Variants in GRIA4 observed in about 807,000 individuals in gnomAD.
GRIA4 encodes the protein glutamate ionotropic receptor AMPA type subunit 4.
Under a neutral mutation model 104.0 loss-of-function variants are expected in GRIA4, and 34 were observed. The ratio of observed to expected loss-of-function variants is 0.33; its 90% CI spans 0.25 to 0.44. The LOEUF is 0.44. GRIA4 is among the 20% of genes least tolerant of loss of function. The probability of loss-of-function intolerance (pLI) is 1.00; values close to 1 mark genes in which losing one functional copy is unlikely to be tolerated. For synonymous variants in GRIA4, 386 were observed against 381.9 expected, an observed-to-expected ratio of 1.01 and a Z score of -0.13; for missense variants, 750 against 1,096.5, an observed-to-expected ratio of 0.68 and a Z score of 4.46.
intron 4 of GRIA4, chr11:105,842,953 GA>G (rs1377178731): frequency 6.6e-6 from 1 of 152,144 alleles, no homozygotes; most frequent in African/African-American, 2.4e-5. Flanking sequence ...TAGAAACTCA[GA>G]AACTTATTTT....
intron 1 of GRIA4, 27 bp from the exon 2 acceptor site, chr11:105,610,881 T>TTTTTTTG: frequency 6.3e-6 from 3 of 475,628 alleles, no homozygotes; most frequent in South Asian, 4.4e-5. Context: ...TTTTTTTTTT[T>TTTTTTTG]TTTTTTTTGG....
At chr11:105,829,880 T>C (rs772849283) in intron 4 of GRIA4, among the ~76,000 whole-genome samples, 1 of 151,696 alleles carries the variant, frequency 6.6e-6, no homozygotes, top group Non-Finnish European at 1.5e-5. Context: ...TGAATGTGAA[T>C]TGGAGAAAGA....
At chr11:105,749,407 C>T (rs143240714) in intron 3 of GRIA4, among the ~76,000 whole-genome samples, 2 of 152,202 alleles carry the variant, frequency 1.3e-5, no homozygotes, top group African/African-American at 4.8e-5. Context: ...TGTTTAAAAG[C>T]AGTTAGAGGA....
chr11:105,641,280 C>T (rs1391369002), intron 3 of GRIA4, among the ~76,000 whole-genome samples: 2 of 151,980 alleles, frequency 1.3e-5, no homozygotes, highest in Non-Finnish European at 1.5e-5. Context: ...AGACATTAGA[C>T]CTAAGGGCAG....
intron 14 of GRIA4, among the ~76,000 whole-genome samples, chr11:105,964,471 G>A (rs1391990755): frequency 6.6e-6 from 1 of 152,152 alleles, no homozygotes; most frequent in East Asian, 1.9e-4. Context: ...GGTAAAATAT[G>A]CAACACTTTT....
rs367726284 is a variant in GRIA4, at chr11:105,910,530, T to A, written c.1254T>A (p.Val418=). The change falls in exon 10 of 17, where the codon GTT becomes GTA. Residue 418 remains valine (V), a synonymous_variant. Transcript: ENST00000282499. The part of the protein sequence containing the change: ...DTAAIENRTV[V]VTTIMESPYV... ...CTGCTATTGAGAACAGAACAGTGGT[T>A]GTAACCACAATTATGGTAAGTGTTG... 6.5e-7 allele frequency: 1 copy of A among 1,537,484 alleles called. No homozygotes were observed.
At chr11:105,765,582 C>T (rs941658378) in intron 4 of GRIA4, among the ~76,000 whole-genome samples, 1 of 152,294 alleles carries the variant, frequency 6.6e-6, no homozygotes, top group South Asian at 2.1e-4. Context: ...TCTAGTTTAT[C>T]AGTAAACTTC....
chr11:105,784,470 G>T (rs1408606233), intron 4 of GRIA4, among the ~76,000 whole-genome samples: 1 of 152,080 alleles, frequency 6.6e-6, no homozygotes, highest in African/African-American at 2.4e-5. Flanking sequence ...TATTATAACT[G>T]CCGTGAGTGC....
intron 4 of GRIA4, among the ~76,000 whole-genome samples, chr11:105,782,986 A>G (rs1941796466): frequency 6.6e-6 from 1 of 152,196 alleles, no homozygotes; most frequent in Admixed American, 6.6e-5. Context: ...ATAAATGTAA[A>G]GTTTTATCAA....
chr11:105,811,905 C>T (rs547509425), intron 4 of GRIA4, among the ~76,000 whole-genome samples: 31 of 152,270 alleles, frequency 2.0e-4, no homozygotes, highest in African/African-American at 7.5e-4. Flanking sequence ...AAGACCAGCA[C>T]CCTTGTGGTA....
intron 3 of GRIA4, among the ~76,000 whole-genome samples, chr11:105,723,024 C>T (rs542099605): frequency 6.6e-6 from 1 of 151,848 alleles, no homozygotes; most frequent in African/African-American, 2.4e-5. Context: ...TTTAGTGATC[C>T]CACAATTAAT....
At chr11:105,848,969 G>A (rs1944696643) in intron 4 of GRIA4, among the ~76,000 whole-genome samples, 1 of 152,100 alleles carries the variant, frequency 6.6e-6, no homozygotes, top group South Asian at 2.1e-4. Flanking sequence ...AAGGCAGGTG[G>A]ATCACCTGAG....
intron 3 of GRIA4, among the ~76,000 whole-genome samples, chr11:105,654,632 G>T (rs538918277): frequency 6.6e-6 from 1 of 151,960 alleles, no homozygotes; most frequent in Non-Finnish European, 1.5e-5. Flanking sequence ...ATAATTGCTG[G>T]CTACTCAACT....
chr11:105,658,960 A>G (rs1487833419), intron 3 of GRIA4, among the ~76,000 whole-genome samples: 1 of 152,000 alleles, frequency 6.6e-6, no homozygotes, highest in Non-Finnish European at 1.5e-5. Flanking sequence ...CCCCAATAAA[A>G]TGATATTCAA....
chr11:105,887,950 CTG>C (rs528822508), intron 6 of GRIA4, among the ~76,000 whole-genome samples: 153 of 152,210 alleles, frequency 1.0e-3, no homozygotes, highest in African/African-American at 3.3e-3. Flanking sequence ...TTAAGAATAA[CTG>C]TATATAATGG....
chr11:105,744,537 G>GC (rs1477432633), intron 3 of GRIA4, among the ~76,000 whole-genome samples: 9 of 152,120 alleles, frequency 5.9e-5, no homozygotes, highest in Non-Finnish European at 1.2e-4. Flanking sequence ...GGAGTGGTAA[G>GC]GCTTGCAGTT....
intron 13 of GRIA4, 57 bp from the exon 14 acceptor site, chr11:105,933,665 A>C (rs1192068716): frequency 7.7e-7 from 1 of 1,298,160 alleles, no homozygotes; most frequent in Admixed American, 2.5e-5. Context: ...GGTTCAGCGA[A>C]TATTAACATG....
intron 14 of GRIA4, among the ~76,000 whole-genome samples, chr11:105,946,149 G>C (rs1375878243): frequency 6.6e-6 from 1 of 152,082 alleles, no homozygotes; most frequent in Non-Finnish European, 1.5e-5. Flanking sequence ...CAGGCCTCTT[G>C]TGTATTTCTT....
chr11:105,733,283 C>A (rs932037294), intron 3 of GRIA4, among the ~76,000 whole-genome samples: 1 of 152,114 alleles, frequency 6.6e-6, no homozygotes, highest in Non-Finnish European at 1.5e-5. Flanking sequence ...TACGTATATA[C>A]ATAGATAGAA....
Sources: allele counts gnomAD v4.1 joint callset (sites outside exome capture counted in the v4.1 genomes callset), GRCh38; gene constraint gnomAD v4.1.1; transcripts MANE v1.5; gene names NCBI Gene and HGNC (gene_info 2026-07-23, HGNC 2026-07-21).